ASIC2: variants seen among roughly 807,000 people sequenced by gnomAD.
ASIC2 encodes acid sensing ion channel subunit 2.
A neutral mutation model predicts 57.3 loss-of-function variants in ASIC2; 25 were observed. That is an observed-to-expected ratio of 0.44 (90% CI 0.32 to 0.61). The LOEUF (loss-of-function observed/expected upper bound fraction) is 0.61. ASIC2 is among the 20% of genes least tolerant of loss of function. The pLI, the probability that ASIC2 is intolerant of heterozygous loss-of-function variation, is 0.06. For missense variants in ASIC2, 641 were observed against 738.1 expected (o/e 0.87, Z 1.52); for synonymous variants, 319 against 307.5 (o/e 1.04, Z -0.39).
At chr17:33,317,573 G>A (rs1213561501) in intron 1 of ASIC2, among the ~76,000 whole-genome samples, 1 of 152,126 alleles carries the variant, frequency 6.6e-6, no homozygotes, top group Non-Finnish European at 1.5e-5. Context: ...ATGACTTTCA[G>A]CTTAGGAGAA....
intron 1 of ASIC2, among the ~76,000 whole-genome samples, chr17:33,190,938 A>AT (rs1258498783): frequency 2.0e-5 from 3 of 152,218 alleles, no homozygotes; most frequent in African/African-American, 7.2e-5. Context: ...AGTTAAGTGC[A>AT]TACGTACCAA....
At position 33,764,273 on chromosome 17, in the gene ASIC2, C is replaced by T. The variant is rs552704792; in HGVS notation, c.555+391705G>A. Reference sequence around the variant, plus strand: ...CGGAGCTTGCAGTGAGCCCAGATCGCGCCACTGCACTCCAGCCTGGGCGAG... The same window carrying T: ...CGGAGCTTGCAGTGAGCCCAGATCGTGCCACTGCACTCCAGCCTGGGCGAG... On this transcript the variant is annotated intron_variant, in intron 1 of 9. Coordinates refer to the ASIC2 transcript ENST00000359872. Among the ~76,000 whole-genome samples the T allele has an allele frequency of 2.3e-4, 34 of 150,398 alleles. No individual in the cohort carries two copies. In the South Asian group the frequency reaches 2.3e-3, roughly 10 times the overall value.
At chr17:33,739,326 G>C (rs1253003666) in intron 1 of ASIC2, among the ~76,000 whole-genome samples, 1 of 152,232 alleles carries the variant, frequency 6.6e-6, no homozygotes, top group Admixed American at 6.5e-5. Context: ...AAAGGGTGGA[G>C]GGAAGAGCAT....
intron 1 of ASIC2, among the ~76,000 whole-genome samples, chr17:33,184,468 T>C (rs949048600): frequency 3.3e-5 from 5 of 152,140 alleles, no homozygotes; most frequent in African/African-American, 1.2e-4. Flanking sequence ...CGGAACTTTC[T>C]CCATGACATG....
chr17:33,580,791 A>G (rs1485658603), intron 1 of ASIC2, among the ~76,000 whole-genome samples: 6 of 152,332 alleles, frequency 3.9e-5, no homozygotes, highest in Admixed American at 1.3e-4. Flanking sequence ...TCCCCAAGAT[A>G]TGAAAAATAA....
rs78428895 is a variant in ASIC2 at position 33,987,251 on chromosome 17, T to C, written c.555+168727A>G. Among the ~76,000 whole-genome samples, 1,500 of 152,320 alleles carry C rather than the reference T, an allele frequency of 9.8e-3. 9 individuals are homozygous for C. Among genetic ancestry groups the C allele is most frequent in the Non-Finnish European group, 0.016 (1,113 of 68,020 alleles). On this transcript the variant is annotated intron_variant, in intron 1 of 9. Coordinates refer to the ASIC2 transcript ENST00000359872. ...GGCTGCTCCCATGACCACCTCACTATGCTCTGGTGCTCAGTGCCAAATCCA... is the reference window on the plus strand; with the variant it reads ...GGCTGCTCCCATGACCACCTCACTACGCTCTGGTGCTCAGTGCCAAATCCA...
chr17:33,575,271 G>A (rs1005950265), intron 1 of ASIC2, among the ~76,000 whole-genome samples: 4 of 152,112 alleles, frequency 2.6e-5, no homozygotes, highest in African/African-American at 9.7e-5. Flanking sequence ...GAGTCCCCAG[G>A]GCTTCTGTAA....
chr17:33,750,861 T>A (rs1910409194), intron 1 of ASIC2, among the ~76,000 whole-genome samples: 1 of 152,124 alleles, frequency 6.6e-6, no homozygotes, highest in African/African-American at 2.4e-5. Flanking sequence ...GGGTGATTCA[T>A]CTTTCTAATA....
At chr17:33,350,399 G>T (rs547366091) in intron 1 of ASIC2, among the ~76,000 whole-genome samples, 2 of 152,244 alleles carry the variant, frequency 1.3e-5, no homozygotes, top group South Asian at 4.1e-4. Context: ...TTAATCACTG[G>T]CCAGGCACGG....
chr17:33,881,367 G>A (rs566802658), intron 1 of ASIC2, among the ~76,000 whole-genome samples: 9 of 152,238 alleles, frequency 5.9e-5, no homozygotes, highest in South Asian at 2.1e-4. Context: ...AAACCCCATC[G>A]TCTCAGCCCA....
chr17:33,597,810 C>G (rs1302747122), intron 1 of ASIC2, among the ~76,000 whole-genome samples: 3 of 152,220 alleles, frequency 2.0e-5, no homozygotes, highest in Admixed American at 6.5e-5. Context: ...TTTTAGAACT[C>G]TGTCTCCCGG....
chr17:33,977,749 C>T (rs1208783015), intron 1 of ASIC2, among the ~76,000 whole-genome samples: 1 of 152,132 alleles, frequency 6.6e-6, no homozygotes. Context: ...CCTGAGTATA[C>T]GTAGGTTTCC....
chr17:34,034,982 T>C (rs1907808157), intron 1 of ASIC2, among the ~76,000 whole-genome samples: 1 of 151,880 alleles, frequency 6.6e-6, no homozygotes, highest in Non-Finnish European at 1.5e-5. Flanking sequence ...AAGCTACCAA[T>C]GACTTTCTTC....
chr17:33,079,579 T>C (rs1265336155), intron 3 of ASIC2, among the ~76,000 whole-genome samples: 1 of 152,074 alleles, frequency 6.6e-6, no homozygotes, highest in African/African-American at 2.4e-5. Context: ...GGCTGTATTT[T>C]AGAACGGTCA....
intron 1 of ASIC2, among the ~76,000 whole-genome samples, chr17:33,399,075 G>C (rs1232721962): frequency 6.6e-6 from 1 of 152,080 alleles, no homozygotes; most frequent in Non-Finnish European, 1.5e-5. Context: ...GCTGGAGGGA[G>C]AGAGAAGAAT....
intron 1 of ASIC2, among the ~76,000 whole-genome samples, chr17:33,379,186 G>A (rs1909387440): frequency 6.6e-6 from 1 of 152,186 alleles, no homozygotes; most frequent in Non-Finnish European, 1.5e-5. Context: ...GTGACATGGT[G>A]TAGCCCTGCC....
At chr17:33,353,473 A>G (rs894545003) in intron 1 of ASIC2, among the ~76,000 whole-genome samples, 2 of 152,086 alleles carry the variant, frequency 1.3e-5, no homozygotes, top group African/African-American at 4.8e-5. Context: ...AGCTGAAACT[A>G]CAGGTATATG....
intron 1 of ASIC2, among the ~76,000 whole-genome samples, chr17:33,741,313 A>G (rs1000354339): frequency 6.6e-6 from 1 of 152,204 alleles, no homozygotes; most frequent in Admixed American, 6.5e-5. Context: ...GTCACTGACT[A>G]TCTCTGGGCA....
chr17:33,609,593 A>T (rs1905332006), intron 1 of ASIC2, among the ~76,000 whole-genome samples: 1 of 152,158 alleles, frequency 6.6e-6, no homozygotes, highest in Admixed American at 6.5e-5. Context: ...ATCTCCCCTG[A>T]AATTCCCTCC....
Sources: allele counts gnomAD v4.1 joint callset (sites outside exome capture counted in the v4.1 genomes callset), GRCh38; gene constraint gnomAD v4.1.1; transcripts MANE v1.5; gene names NCBI Gene and HGNC (gene_info 2026-07-23, HGNC 2026-07-21).